The following MACROD2 variants were observed in gnomAD, a reference collection of about 807,000 sequenced individuals.
MACROD2 encodes ADP-ribose glycohydrolase MACROD2.
Under a neutral mutation model 70.4 loss-of-function variants are expected in MACROD2, and 36 were observed. The observed-to-expected ratio is 0.51, with a 90% CI of 0.39 to 0.68. The LOEUF (loss-of-function observed/expected upper bound fraction) is 0.68. MACROD2 is among the 30% of genes least tolerant of loss of function. MACROD2 has a pLI of 0.00. For synonymous variants in MACROD2, 172 were observed against 178.8 expected (o/e 0.96, Z 0.30); for missense variants, 496 against 538.4 (o/e 0.92, Z 0.78).
At chr20:15,895,227 A>G (rs571055313) in intron 10 of MACROD2, among the ~76,000 whole-genome samples, 50 of 152,316 alleles carry the variant, frequency 3.3e-4, no homozygotes, top group Admixed American at 2.5e-3. Context: ...TAGGAACATC[A>G]TTCCCGAATC....
intron 4 of MACROD2, among the ~76,000 whole-genome samples, chr20:14,551,412 C>T (rs1017196274): frequency 2.6e-5 from 4 of 152,144 alleles, no homozygotes; most frequent in Non-Finnish European, 5.9e-5. Context: ...ATGTTCTTCT[C>T]TTGTAATGGA....
At chr20:15,144,281 G>A (rs1208906748) in intron 5 of MACROD2, among the ~76,000 whole-genome samples, 1 of 152,142 alleles carries the variant, frequency 6.6e-6, no homozygotes, top group Non-Finnish European at 1.5e-5. Context: ...AAAACTGCAA[G>A]TGGTTGGTGA....
At chr20:15,123,912 T>C (rs1256773927) in intron 5 of MACROD2, among the ~76,000 whole-genome samples, 3 of 152,264 alleles carry the variant, frequency 2.0e-5, no homozygotes, top group Middle Eastern at 3.4e-3. Flanking sequence ...TTTCCTGTGT[T>C]CCTAAATATC....
At chr20:15,687,988 AATTTCAGCAAGAATTTCCCATC>A (rs2050249953) in intron 8 of MACROD2, among the ~76,000 whole-genome samples, 1 of 152,160 alleles carries the variant, frequency 6.6e-6, no homozygotes, top group Non-Finnish European at 1.5e-5. Flanking sequence ...TGAATGTAGA[AATTTCAGCAAGAATTTCCCATC>A]ATTTGCTTTC....
intron 8 of MACROD2, among the ~76,000 whole-genome samples, chr20:15,525,710 T>A (rs955922655): frequency 1.3e-5 from 2 of 152,262 alleles, no homozygotes; most frequent in Non-Finnish European, 1.5e-5. Context: ...AAACTTTGTG[T>A]GTTTCTGAGG....
At chr20:15,114,394 T>C (rs924666558) in intron 5 of MACROD2, among the ~76,000 whole-genome samples, 16 of 152,156 alleles carry the variant, frequency 1.1e-4, no homozygotes, top group Admixed American at 3.3e-4. Flanking sequence ...GATTCTTTTG[T>C]TGGTCTTGAA....
intron 5 of MACROD2, among the ~76,000 whole-genome samples, chr20:14,951,114 G>A (rs1197056733): frequency 1.3e-5 from 2 of 152,082 alleles, no homozygotes; most frequent in Admixed American, 1.3e-4. Flanking sequence ...AAATGGATTG[G>A]GGGATTGAGG....
At chr20:15,816,449 G>A (rs956263665) in intron 8 of MACROD2, among the ~76,000 whole-genome samples, 4 of 151,552 alleles carry the variant, frequency 2.6e-5, no homozygotes, top group South Asian at 2.1e-4. Context: ...CATAGTCTTC[G>A]AATTCTCATT....
chr20:15,421,098 A>T (rs1226486525), intron 6 of MACROD2, among the ~76,000 whole-genome samples: 2 of 152,146 alleles, frequency 1.3e-5, no homozygotes, highest in East Asian at 3.9e-4. Flanking sequence ...AAAAAAACAC[A>T]AGGGTGCGGT....
At chr20:14,640,036 C>T (rs1380072256) in intron 4 of MACROD2, among the ~76,000 whole-genome samples, 2 of 152,070 alleles carry the variant, frequency 1.3e-5, no homozygotes, top group African/African-American at 4.8e-5. Flanking sequence ...TTTGGTACTT[C>T]GGGGTTACCT....
intron 6 of MACROD2, among the ~76,000 whole-genome samples, chr20:15,247,837 AC>A (rs1309979423): frequency 1.3e-5 from 2 of 152,110 alleles, no homozygotes; most frequent in African/African-American, 4.8e-5. Flanking sequence ...AGCTGGGATT[AC>A]AGACAAGCAC....
chr20:15,874,708 C>G (rs925669381), intron 9 of MACROD2, among the ~76,000 whole-genome samples: 4 of 152,106 alleles, frequency 2.6e-5, no homozygotes, highest in Non-Finnish European at 5.9e-5. Flanking sequence ...GCTTTGTATA[C>G]AAAGCAATCT....
intron 8 of MACROD2, among the ~76,000 whole-genome samples, chr20:15,812,477 G>T (rs763661): frequency 6.6e-6 from 1 of 151,858 alleles, no homozygotes; most frequent in Non-Finnish European, 1.5e-5. Context: ...AAGAAGGCCC[G>T]GAAGGGAGCT....
intron 3 of MACROD2, among the ~76,000 whole-genome samples, chr20:14,449,364 T>C (rs1370869486): frequency 1.3e-5 from 2 of 152,256 alleles, no homozygotes; most frequent in African/African-American, 4.8e-5. Context: ...TAAATACTTA[T>C]TATTGTGCTT....
chr20:14,601,119 C>T (rs548648453), intron 4 of MACROD2, among the ~76,000 whole-genome samples: 4 of 152,188 alleles, frequency 2.6e-5, no homozygotes, highest in Admixed American at 6.6e-5. Context: ...GCATCTGGCT[C>T]CTAAAAGTCA....
intron 8 of MACROD2, among the ~76,000 whole-genome samples, chr20:15,788,780 G>A (rs1268982138): frequency 6.6e-6 from 1 of 152,164 alleles, no homozygotes; most frequent in Non-Finnish European, 1.5e-5. Flanking sequence ...AGCTGTTTAA[G>A]TTAAAATGAC....
intron 5 of MACROD2, among the ~76,000 whole-genome samples, chr20:15,122,048 T>C (rs6131641): frequency 0.35 from 53,431 of 151,922 alleles, 10,554 homozygotes; most frequent in African/African-American, 0.52. Context: ...CCATTGTTTT[T>C]AATGTGCTTT....
At chr20:14,275,638 A>G (rs1461767115) in intron 3 of MACROD2, among the ~76,000 whole-genome samples, 1 of 145,288 alleles carries the variant, frequency 6.9e-6, no homozygotes, top group Non-Finnish European at 1.5e-5. Flanking sequence ...AATGGGATCT[A>G]ATTAAACTAA....
At chr20:15,990,263 A>C (rs1256826656) in intron 15 of MACROD2, among the ~76,000 whole-genome samples, 1 of 152,202 alleles carries the variant, frequency 6.6e-6, no homozygotes, top group Non-Finnish European at 1.5e-5. Flanking sequence ...ACCAAATAGG[A>C]AAGTAATATT....
Sources: gnomAD v4.1 joint callset for allele counts (sites outside exome capture counted in the v4.1 genomes callset) on GRCh38, gnomAD v4.1.1 for gene constraint, MANE v1.5 for transcripts, NCBI Gene and HGNC (gene_info 2026-07-23, HGNC 2026-07-21) for gene names.